The following PUDP variants were observed in gnomAD, a reference collection of about 807,000 sequenced individuals.
The protein encoded by PUDP is pseudouridine-5'-phosphatase.
A neutral mutation model predicts 9.4 loss-of-function variants in PUDP; 8 were observed. The ratio of observed to expected loss-of-function variants is 0.85; its 90% CI spans 0.50 to 1.53. The LOEUF is 1.53. PUDP is among the 40% of genes most tolerant of loss of function. PUDP has a pLI of 0.00. For synonymous variants in PUDP, 99 were observed against 80.7 expected, an observed-to-expected ratio of 1.23 and a Z score of -1.22; for missense variants, 188 against 189.7, an observed-to-expected ratio of 0.99 and a Z score of 0.05.
intron 3 of PUDP, among the ~76,000 whole-genome samples, chrX:6,901,964 C>G (rs1164473191): frequency 9.0e-6 from 1 of 110,785 alleles, no homozygotes; most frequent in East Asian, 2.8e-4. Flanking sequence ...GCCAAAAACT[C>G]CCAGGCACAA....
intron 3 of PUDP, among the ~76,000 whole-genome samples, chrX:6,764,574 A>C (rs1275491352): frequency 8.9e-6 from 1 of 112,225 alleles, no homozygotes; most frequent in Non-Finnish European, 1.9e-5. Context: ...TGCATGTCAG[A>C]AACAGTGGGT....
intron 3 of PUDP, among the ~76,000 whole-genome samples, chrX:6,941,635 C>A (rs965450889): frequency 9.0e-6 from 1 of 110,963 alleles, no homozygotes; most frequent in Non-Finnish European, 1.9e-5. Context: ...GGCCTGGTTT[C>A]TATTTTCTAA....
At chrX:6,947,001 GTT>G (rs10574189) in intron 3 of PUDP, among the ~76,000 whole-genome samples, 1,840 of 29,422 alleles carry the variant, frequency 0.063, 44 homozygotes, top group African/African-American at 0.12. Flanking sequence ...CTGTTTGTTT[GTT>G]TTTTTTTTTT....
intron 3 of PUDP, among the ~76,000 whole-genome samples, chrX:6,842,095 T>C (rs371927220): frequency 1.8e-3 from 199 of 112,043 alleles, no homozygotes; most frequent in African/African-American, 5.9e-3. Context: ...TTTGTTTCAA[T>C]GTGAATAGCT....
At chrX:6,831,723 C>T (rs757434402) in intron 3 of PUDP, among the ~76,000 whole-genome samples, 4 of 111,788 alleles carry the variant, frequency 3.6e-5, no homozygotes, top group Non-Finnish European at 7.5e-5. Flanking sequence ...TTACTAGGTG[C>T]CAGTCATTTT....
chrX:6,968,904 G>T (rs965173292), intron 3 of PUDP, among the ~76,000 whole-genome samples: 1 of 112,199 alleles, frequency 8.9e-6, no homozygotes, highest in African/African-American at 3.2e-5. Flanking sequence ...ACAGGCGTGA[G>T]CCACCGCACC....
chrX:7,013,485 A>T (rs1447059700), intron 1 of PUDP, among the ~76,000 whole-genome samples: 1 of 112,339 alleles, frequency 8.9e-6, no homozygotes, highest in Non-Finnish European at 1.9e-5. Context: ...GATTTGGGGA[A>T]TCTCTTGTCA....
chrX:7,096,850 G>A (rs1451208531), intron 2 of PUDP, among the ~76,000 whole-genome samples: 1 of 110,461 alleles, frequency 9.1e-6, no homozygotes, highest in Non-Finnish European at 1.9e-5. Context: ...GGAAAAAAAA[G>A]CATATCATGA....
chrX:6,858,335 C>CTTTTTTTTTTTTTTTTA (rs113300792), intron 3 of PUDP, among the ~76,000 whole-genome samples: 1 of 67,769 alleles, frequency 1.5e-5, no homozygotes. Context: ...TTTTTTTTTT[C>CTTTTTTTTTTTTTTTTA]TTTTTTTTTT....
chrX:7,073,041 C>T (rs1265646252), intron 3 of PUDP, among the ~76,000 whole-genome samples: 1 of 110,480 alleles, frequency 9.1e-6, no homozygotes, highest in Non-Finnish European at 1.9e-5. Flanking sequence ...ACCTGGCGTT[C>T]GGCACATGGA....
At chrX:7,025,846 T>C (rs1164021230) in intron 1 of PUDP, among the ~76,000 whole-genome samples, 1 of 112,519 alleles carries the variant, frequency 8.9e-6, no homozygotes, top group Non-Finnish European at 1.9e-5. Context: ...TTTAGCACTT[T>C]TCACTGTAAA....
chrX:6,711,025 A>C (rs780894903), intron 1 of PUDP, among the ~76,000 whole-genome samples: 1 of 111,914 alleles, frequency 8.9e-6, no homozygotes, highest in East Asian at 2.8e-4. Flanking sequence ...AAATGTCCCA[A>C]CTGGAAGGAA....
intron 1 of PUDP, chrX:7,112,954 TGCCCA>T (rs1932096463): frequency 8.9e-6 from 1 of 112,691 alleles, no homozygotes; most frequent in African/African-American, 3.2e-5. Flanking sequence ...TGAGCCACGG[TGCCCA>T]GCCAAGAGTT....
chrX:6,741,028 G>A (rs1349017615), intron 3 of PUDP, among the ~76,000 whole-genome samples: 2 of 109,826 alleles, frequency 1.8e-5, no homozygotes, highest in African/African-American at 3.3e-5. Context: ...GCGTGGTGGG[G>A]CACACCTGTA....
chrX:6,980,949 G>C (rs752914789), intron 1 of PUDP, among the ~76,000 whole-genome samples: 5 of 111,225 alleles, frequency 4.5e-5, no homozygotes, highest in African/African-American at 1.6e-4. Context: ...AGGGAAAACT[G>C]CACTCTCTCC....
intron 3 of PUDP, among the ~76,000 whole-genome samples, chrX:7,074,893 G>A (rs1005540527): frequency 9.8e-5 from 11 of 112,263 alleles, no homozygotes; most frequent in African/African-American, 3.6e-4. Context: ...TACTAGCTGG[G>A]AGGTCTCAGG....
intron 3 of PUDP, among the ~76,000 whole-genome samples, chrX:7,052,038 T>A (rs934417545): frequency 1.8e-5 from 2 of 109,519 alleles, no homozygotes; most frequent in African/African-American, 3.3e-5. Flanking sequence ...CATTTTCTTT[T>A]TTTTTTTTTG....
At chrX:6,859,052 T>A (rs2146726895) in intron 3 of PUDP, among the ~76,000 whole-genome samples, 1 of 111,454 alleles carries the variant, frequency 9.0e-6, no homozygotes, top group Admixed American at 9.5e-5. Flanking sequence ...TCTCAGGAGA[T>A]CTGATGGTTT....
intron 3 of PUDP, among the ~76,000 whole-genome samples, chrX:6,769,022 G>A (rs776375350): frequency 8.1e-5 from 9 of 111,708 alleles, no homozygotes; most frequent in East Asian, 2.8e-4. Context: ...TAGAGAAGGC[G>A]CTCACTGGCA....
Sources: gnomAD v4.1 joint callset for allele counts (sites outside exome capture counted in the v4.1 genomes callset) on GRCh38, gnomAD v4.1.1 for gene constraint, MANE v1.5 for transcripts, NCBI Gene and HGNC (gene_info 2026-07-23, HGNC 2026-07-21) for gene names.